Variants in TNRC6A observed in about 807,000 individuals in gnomAD.
TNRC6A encodes trinucleotide repeat containing adaptor 6A.
In TNRC6A, 44 loss-of-function variants were observed where a neutral mutation model predicts 221.2. The observed-to-expected ratio is 0.20, with a 90% CI of 0.16 to 0.26. TNRC6A has a LOEUF of 0.26. Ranked by LOEUF, TNRC6A falls within the 10% of genes least tolerant of loss-of-function variation. TNRC6A has a pLI of 1.00. For missense variants in TNRC6A, 2,199 were observed against 2,404.4 expected, an observed-to-expected ratio of 0.91 and a Z score of 1.79; for synonymous variants, 847 against 838.5, an observed-to-expected ratio of 1.01 and a Z score of -0.18.
At chr16:24,726,454 G>T (rs1567391432), upstream of TNRC6A, among the ~76,000 whole-genome samples, 1 of 152,036 alleles carries the variant, frequency 6.6e-6, no homozygotes, top group South Asian at 2.1e-4. Flanking sequence ...TTAAGAAGGA[G>T]GGAGAGTTAG....
At position 24,758,378 on chromosome 16, in the gene TNRC6A, AT is replaced by A; in HGVS notation, c.163+24del. On this transcript the variant is annotated intron_variant, in intron 4 of 24. Coordinates refer to ENST00000395799, the MANE Select transcript of TNRC6A (RefSeq NM_014494.4). ...AATCAAAGGTACGTTGTTTAAAGCT[AT>A]TTTTTATCCCTTTTTTCATTAAAGC... 6.2e-7 allele frequency: 1 copy of A among 1,609,282 alleles called. No homozygotes were observed. The highest frequency in any genetic ancestry group is 2.2e-5 in the East Asian group (1 of 44,790).
rs753987784 is a variant in TNRC6A, at chr16:24,777,054, ACAGCAGCAGCAGCAACAGCAGCAGCCG to A, written c.299_325del (p.Gln100_Gln108del). 319 of 1,612,910 alleles carry A rather than the reference ACAGCAGCAGCAGCAACAGCAGCAGCCG, an allele frequency of 2.0e-4. No individual in the cohort carries two copies. The highest frequency in any genetic ancestry group is 2.3e-4 in the Non-Finnish European group (276 of 1,179,306). ...GAGCTACAGCCAACAATCAGCAGCC[ACAGCAGCAGCAGCAACAGCAGCAGCCG>A]CAGCAGCAGCAGCCACAGCAGCAGC... is the stretch of plus-strand genomic sequence containing the variant. On this transcript the variant is annotated inframe_deletion, in exon 5 of 25. Transcript: ENST00000395799.
chr16:24,822,194 T>G (rs771894694), intron 23 of TNRC6A, 47 bp downstream of exon 23: 1 of 1,592,474 alleles, frequency 6.3e-7, no homozygotes, highest in South Asian at 1.1e-5. Context: ...CCAGGGAGCA[T>G]GGGAACAGAG....
chr16:24,662,058 C>T (rs921437323), intron 2 of TNRC6A: 6 of 152,090 alleles, frequency 3.9e-5, no homozygotes, highest in African/African-American at 9.7e-5. Context: ...GAGATACTGC[C>T]TCTAAAAACC....
At chr16:24,765,824 T>A (rs1188501660) in intron 4 of TNRC6A, among the ~76,000 whole-genome samples, 1 of 152,180 alleles carries the variant, frequency 6.6e-6, no homozygotes, top group Non-Finnish European at 1.5e-5. Context: ...TCTTTCCTCC[T>A]ATTGTGAAAG....
chr16:24,616,272 G>C (rs1320165179), intron 1 of TNRC6A, among the ~76,000 whole-genome samples: 2 of 149,318 alleles, frequency 1.3e-5, no homozygotes, highest in East Asian at 3.9e-4. Context: ...GTTGCAGTGA[G>C]CTGAGGTTGC....
At chr16:24,731,719 A>G (rs2151174840) in intron 2 of TNRC6A, among the ~76,000 whole-genome samples, 1 of 152,368 alleles carries the variant, frequency 6.6e-6, no homozygotes, top group East Asian at 1.9e-4. Flanking sequence ...AAGGTGCTCT[A>G]GTACTTAATT....
intron 2 of TNRC6A, among the ~76,000 whole-genome samples, chr16:24,667,734 C>T (rs1333375760): frequency 6.6e-6 from 1 of 152,174 alleles, no homozygotes; most frequent in African/African-American, 2.4e-5. Context: ...TCATATCGTT[C>T]CACTGTTTAA....
At chr16:24,675,573 C>T (rs922382435) in intron 2 of TNRC6A, among the ~76,000 whole-genome samples, 9 of 150,574 alleles carry the variant, frequency 6.0e-5, no homozygotes, top group Non-Finnish European at 1.3e-4. Context: ...CCCAGCTACT[C>T]GGGAGGCTGA....
chr16:24,685,026 C>T (rs989313012), intron 2 of TNRC6A, among the ~76,000 whole-genome samples: 1 of 152,136 alleles, frequency 6.6e-6, no homozygotes, highest in African/African-American at 2.4e-5. Context: ...ACTTCAGCCC[C>T]TCTGGCCTTC....
chr16:24,701,563 C>T (rs2055976862), intron 2 of TNRC6A, among the ~76,000 whole-genome samples: 1 of 124,188 alleles, frequency 8.1e-6, no homozygotes, highest in African/African-American at 3.8e-5. Flanking sequence ...GATGGGGTTT[C>T]ACCATGTTGG....
At chr16:24,781,058 T>TTTTTTTTTTC (rs2057833736) in intron 5 of TNRC6A, among the ~76,000 whole-genome samples, 1 of 141,434 alleles carries the variant, frequency 7.1e-6, no homozygotes, top group Non-Finnish European at 1.5e-5. Flanking sequence ...TTTTTTTTTT[T>TTTTTTTTTTC]TTTTTTTTTT....
intron 2 of TNRC6A, among the ~76,000 whole-genome samples, chr16:24,696,838 C>T (rs2055875797): frequency 6.6e-6 from 1 of 151,562 alleles, no homozygotes; most frequent in Middle Eastern, 3.4e-3. Flanking sequence ...GAAGGGCACA[C>T]TCAGAACTAG....
chr16:24,695,833 T>C (rs929654122), intron 2 of TNRC6A, among the ~76,000 whole-genome samples: 7 of 152,170 alleles, frequency 4.6e-5, no homozygotes, highest in Admixed American at 2.6e-4. Flanking sequence ...CACGTCACCG[T>C]CACCATCCCT....
chr16:24,814,415 T>TTC (rs1334569576), intron 18 of TNRC6A, among the ~76,000 whole-genome samples: 1 of 135,366 alleles, frequency 7.4e-6, no homozygotes, highest in Non-Finnish European at 1.6e-5. Context: ...TTTTCTTTTT[T>TTC]TTTTTTTTTT....
At chr16:24,621,979 A>G (rs1373520335) in intron 1 of TNRC6A, among the ~76,000 whole-genome samples, 2 of 152,172 alleles carry the variant, frequency 1.3e-5, no homozygotes, top group African/African-American at 4.8e-5. Flanking sequence ...TGAACAAGGG[A>G]TTTATCTTCC....
intron 2 of TNRC6A, among the ~76,000 whole-genome samples, chr16:24,724,616 T>TG (rs1396084454): frequency 6.6e-6 from 1 of 151,992 alleles, no homozygotes; most frequent in East Asian, 1.9e-4. Flanking sequence ...TGCAGTGACT[T>TG]GCGGCTGTAG....
rs1424531102 is a variant in TNRC6A at position 24,676,873 on chromosome 16, C to CTTGT, written n.402+35866_402+35869dup. On this transcript the variant is annotated intron_variant and non_coding_transcript_variant, in intron 2 of 2. Transcript: ENST00000566108. ...AGTGCTCTTTCACCTTTTATTTTTG[C>CTTGT]TTGTTCCTTTTACTTTCTGTTTTCT... Among the ~76,000 whole-genome samples, 5 of 152,248 alleles carry CTTGT rather than the reference C, an allele frequency of 3.3e-5. No individual in the cohort carries two copies. The South Asian group carries it at 1.0e-3, about 32-fold the overall frequency.
At chr16:24,614,601 G>A (rs549242245) in intron 1 of TNRC6A, among the ~76,000 whole-genome samples, 4 of 152,262 alleles carry the variant, frequency 2.6e-5, no homozygotes, top group Admixed American at 6.5e-5. Flanking sequence ...CTCTTCTCAC[G>A]GGATTTTTTT....
Sources: allele counts gnomAD v4.1 joint callset (sites outside exome capture counted in the v4.1 genomes callset), GRCh38; gene constraint gnomAD v4.1.1; transcripts MANE v1.5; gene names NCBI Gene and HGNC (gene_info 2026-07-23, HGNC 2026-07-21).